Variants in UTP25 observed in about 807,000 individuals in gnomAD.
UTP25 encodes the protein UTP25 small subunit processome component.
UTP25 carries 50 observed loss-of-function variants against 78.9 expected under a neutral mutation model. The ratio of observed to expected loss-of-function variants is 0.63; its 90% CI spans 0.50 to 0.80. UTP25 has a LOEUF of 0.80. Ranked by LOEUF, UTP25 falls within the 30% of genes least tolerant of loss-of-function variation. The probability of loss-of-function intolerance (pLI) is 0.00; values close to 1 mark genes in which losing one functional copy is unlikely to be tolerated. For synonymous variants in UTP25, 329 were observed against 336.5 expected (o/e 0.98, Z 0.24); for missense variants, 846 against 911.3 (o/e 0.93, Z 0.92).
chr1:209,855,619 C>T lies in UTP25; in HGVS notation c.*4172C>T, dbSNP rs1044589937. 1.3e-5 allele frequency: 2 copies of T among 152,470 alleles called. No individual in the cohort carries two copies. Among genetic ancestry groups the T allele is most frequent in the African/African-American group, 4.8e-5 (2 of 41,472 alleles). 9.4% of individuals were successfully genotyped at this position (152,470 alleles called of 1,614,324 possible). On this transcript the variant is annotated 3_prime_UTR_variant, in exon 12 of 12. Coordinates refer to ENST00000491415, the MANE Select transcript of UTP25 (RefSeq NM_014388.7). ...CCCTCACTGCTGGAAGAAACACCTG[C>T]CCTTGCTTGTTCTCCTGATGGCCCC...
intron 7 of UTP25, among the ~76,000 whole-genome samples, chr1:209,839,905 G>T (rs372273894): frequency 6.6e-6 from 1 of 152,284 alleles, no homozygotes; most frequent in Admixed American, 6.5e-5. Context: ...ATGGGGGCAG[G>T]GTGGTTAGGG....
chr1:209,845,409 C>T (rs1332151368), intron 11 of UTP25, among the ~76,000 whole-genome samples: 1 of 152,192 alleles, frequency 6.6e-6, no homozygotes, highest in Non-Finnish European at 1.5e-5. Context: ...AAAGCAAGCC[C>T]TTTAAGTGAA....
At chr1:209,842,531 T>C in intron 9 of UTP25, 52 bp from the exon 10 acceptor site, 1 of 1,611,470 alleles carries the variant, frequency 6.2e-7, no homozygotes, top group Non-Finnish European at 8.5e-7. Context: ...CGATAGCTTC[T>C]GGTCAAGAAG....
rs755239431 is a variant in UTP25, at chr1:209,837,114, A to G, written c.965A>G (p.Asn322Ser). 2 of 1,614,128 alleles carry G rather than the reference A, an allele frequency of 1.2e-6. No individual in the cohort carries two copies. The highest frequency in any genetic ancestry group is 1.7e-6 in the Non-Finnish European group (2 of 1,179,994). ...LHVINHILKANAQVLGNNSRR... is the reference protein window; with the variant it reads ...LHVINHILKASAQVLGNNSRR... ...GTGATAAATCACATCCTCAAAGCCA[A>G]TGCCCAGGTGCTTGGCAACAATAGC... Residue 322 changes from asparagine to serine, a missense_variant, in exon 6 of 12, where the codon AAT (asparagine) becomes AGT (serine). By Grantham distance (46) the Asn-to-Ser change is conservative (BLOSUM62 1). Coordinates refer to ENST00000491415, the MANE Select transcript of UTP25 (RefSeq NM_014388.7).
rs898127148 is a variant in UTP25 at position 209,853,446 on chromosome 1, T to G, written c.*1999T>G. ...ATCTTGGCTTACTGCAATCTGTGCC[T>G]CCCGAGTTCAAGCGATTCTCGTGCC... is the stretch of plus-strand genomic sequence containing the variant. On this transcript the variant is annotated 3_prime_UTR_variant, in exon 12 of 12. Transcript: ENST00000491415. 3 of 151,916 alleles carry G rather than the reference T, an allele frequency of 2.0e-5. No homozygotes were observed. Among genetic ancestry groups the G allele is most frequent in the Non-Finnish European group, 2.9e-5 (2 of 68,028 alleles). The allele number at this position is 151,916 out of a possible 1,614,324, so 9.4% of individuals were successfully genotyped here.
intron 11 of UTP25, among the ~76,000 whole-genome samples, chr1:209,847,860 A>G (rs1220046351): frequency 5.9e-5 from 9 of 152,388 alleles, no homozygotes; most frequent in Admixed American, 5.2e-4. Context: ...CCCCAACCAC[A>G]AAGAATTATC....
intron 1 of UTP25, among the ~76,000 whole-genome samples, chr1:209,828,931 C>T (rs1400186419): frequency 2.6e-5 from 4 of 151,908 alleles, no homozygotes; most frequent in Non-Finnish European, 5.9e-5. Context: ...CGCCATCACA[C>T]CCGATCAATT....
chr1:209,830,421 G>A (rs576317277), intron 2 of UTP25, among the ~76,000 whole-genome samples: 1 of 151,204 alleles, frequency 6.6e-6, no homozygotes, highest in Non-Finnish European at 1.5e-5. Flanking sequence ...TCCTAAGAGG[G>A]AATATCTTTT....
intron 8 of UTP25, among the ~76,000 whole-genome samples, chr1:209,841,729 G>A (rs934789787): frequency 2.0e-5 from 3 of 152,164 alleles, no homozygotes; most frequent in Non-Finnish European, 2.9e-5. Context: ...CAAATGAAGG[G>A]TAGAACTTAC....
rs1394662653 is a variant in UTP25 at position 209,837,239 on chromosome 1, CGAG to C, written c.1062+33_1062+35del. ...GAGTCCAGCAGGAAAGCTTTGCTCT[CGAG>C]GAGGTGGCTGCAAGGCACTGCCATA... On this transcript the variant is annotated intron_variant, in intron 6 of 11. Coordinates refer to ENST00000491415, the MANE Select transcript of UTP25 (RefSeq NM_014388.7). The C allele has an allele frequency of 4.4e-6, 7 of 1,598,280 alleles. No individual in the cohort carries two copies. In the African/African-American group the frequency reaches 8.1e-5, roughly 18 times the overall value.
intron 11 of UTP25, among the ~76,000 whole-genome samples, chr1:209,848,935 A>G (rs1359870552): frequency 1.3e-5 from 2 of 152,050 alleles, no homozygotes; most frequent in Admixed American, 1.3e-4. Flanking sequence ...TACCTTCCCA[A>G]CACCACAGAC....
chr1:209,830,978 AAGATGGTGGTAGC>A lies in UTP25; in HGVS notation c.324_336del (p.Asp109MetfsTer19). Reference sequence around the variant, plus strand: ...GTAGATGATGCAGAAATGAACGATGAAGATGGTGGTAGCGATGTCAGTGTGGAAGAAGAGATGG... The same window carrying A: ...GTAGATGATGCAGAAATGAACGATGAGATGTCAGTGTGGAAGAAGAGATGG... On this transcript the variant is annotated frameshift_variant, in exon 3 of 12. Coordinates refer to ENST00000491415, the MANE Select transcript of UTP25 (RefSeq NM_014388.7). LOFTEE classifies it high-confidence loss of function. 6.2e-7 allele frequency: 1 copy of A among 1,614,120 alleles called. No individual in the cohort carries two copies. The highest frequency in any genetic ancestry group is 8.5e-7 in the Non-Finnish European group (1 of 1,179,986).
chr1:209,846,968 T>TTTTTGGTAA (rs1171188984), intron 11 of UTP25, among the ~76,000 whole-genome samples: 1 of 152,260 alleles, frequency 6.6e-6, no homozygotes, highest in Non-Finnish European at 1.5e-5. Context: ...ATAAATACTC[T>TTTTTGGTAA]TTTTGGTAAT....
intron 11 of UTP25, among the ~76,000 whole-genome samples, chr1:209,847,101 T>C (rs1374702650): frequency 6.6e-6 from 1 of 152,190 alleles, no homozygotes; most frequent in African/African-American, 2.4e-5. Context: ...TTTTTTTCCT[T>C]TGTCTTAGAT....
Position 209,842,301 on chromosome 1 carries a change from T to C in UTP25, c.1522T>C (p.Ser508Pro). 6.2e-7 allele frequency: 1 copy of C among 1,613,994 alleles called. No homozygotes were observed. Among genetic ancestry groups the C allele is most frequent in the South Asian group, 1.1e-5 (1 of 91,086 alleles). Residue 508 changes from serine to proline, a missense_variant, in exon 9 of 12, where the codon TCA (serine) becomes CCA (proline). Ser to Pro is a moderately conservative substitution (Grantham distance 74, BLOSUM62 -1). Coordinates refer to ENST00000491415, the MANE Select transcript of UTP25 (RefSeq NM_014388.7). ...TCACATGAACCTACTACCCCTGGAC[T>C]CACATGGGGTAGACTTTTCTCGAGT... ...MNHMNLLPLD[S>P]HGVDFSRVRM...
intron 6 of UTP25, 53 bp from the exon 7 acceptor site, chr1:209,838,856 A>T: frequency 6.3e-7 from 1 of 1,590,362 alleles, no homozygotes; most frequent in Non-Finnish European, 8.6e-7. Flanking sequence ...TTTCACCTCA[A>T]GATCCTGTTC....
At chr1:209,839,383 T>C (rs1432850081) in intron 7 of UTP25, among the ~76,000 whole-genome samples, 1 of 152,198 alleles carries the variant, frequency 6.6e-6, no homozygotes, top group Non-Finnish European at 1.5e-5. Flanking sequence ...CAGAAATTTA[T>C]AGCAAGTTTA....
At chr1:209,849,917 G>A (rs1426699615) in intron 11 of UTP25, among the ~76,000 whole-genome samples, 1 of 152,200 alleles carries the variant, frequency 6.6e-6, no homozygotes, top group Non-Finnish European at 1.5e-5. Flanking sequence ...GTGAGCTGAA[G>A]CTGGCTCACA....
Position 209,856,434 on chromosome 1 carries a change from C to T in UTP25, c.*4987C>T, listed in dbSNP as rs1483938974. The T allele has an allele frequency of 2.6e-5, 4 of 152,236 alleles. No homozygotes were observed. Among genetic ancestry groups the T allele is most frequent in the African/African-American group, 9.6e-5 (4 of 41,456 alleles). 9.4% of individuals were successfully genotyped at this position (152,236 alleles called of 1,614,324 possible). A position where few individuals can be genotyped will look rare whatever the true frequency, so the allele number is the denominator to read the frequency against. On this transcript the variant is annotated 3_prime_UTR_variant, in exon 12 of 12. Transcript: ENST00000491415. The stretch of plus-strand genomic sequence containing the variant: ...GCACCACTTTTACCTTCTGCTCTTC[C>T]CTTTTTCCTGCCTGGAACGCAGAAG...
Sources: gnomAD v4.1 joint callset for allele counts (sites outside exome capture counted in the v4.1 genomes callset) on GRCh38, gnomAD v4.1.1 for gene constraint, MANE v1.5 for transcripts, NCBI Gene and HGNC (gene_info 2026-07-23, HGNC 2026-07-21) for gene names.